Variants in MARCHF4 observed in about 807,000 individuals in gnomAD.
MARCHF4 encodes E3 ubiquitin-protein ligase MARCHF4.
In MARCHF4, 14 loss-of-function variants were observed where a neutral mutation model predicts 43.9. The observed-to-expected ratio is 0.32, with a 90% confidence interval of 0.21 to 0.50. The LOEUF (loss-of-function observed/expected upper bound fraction) is 0.50. MARCHF4 is among the 20% of genes least tolerant of loss of function. The pLI is 0.98. For synonymous variants in MARCHF4, 226 were observed against 213.3 expected, an observed-to-expected ratio of 1.06 and a Z score of -0.52; for missense variants, 468 against 536.7, an observed-to-expected ratio of 0.87 and a Z score of 1.27.
chr2:216,304,150 A>G (rs1691542519), intron 1 of MARCHF4, among the ~76,000 whole-genome samples: 1 of 152,214 alleles, frequency 6.6e-6, no homozygotes, highest in Admixed American at 6.5e-5. Context: ...TGCTCACCCC[A>G]AATCATGTAT....
In MARCHF4 at chr2:216,277,936, G is replaced by A. The variant is rs115844740; in HGVS notation, c.673-72C>T. The A allele has an allele frequency of 1.8e-4, 252 of 1,400,126 alleles. No individual in the cohort carries two copies. The African/African-American group carries it at 3.4e-3, about 19-fold the overall frequency. The allele number at this position is 1,400,126 out of a possible 1,614,324, so 86.7% of individuals were successfully genotyped here. A position where few individuals can be genotyped will look rare whatever the true frequency, so the allele number is the denominator to read the frequency against. On this transcript the variant is annotated intron_variant, in intron 2 of 3. Transcript: ENST00000273067. ...TCCCATTCCCACCCCTCTTCTGTCT[G>A]CTGCTCCAACAGCTCACCTCTGATT...
At chr2:216,350,796 C>T (rs11685872) in intron 1 of MARCHF4, among the ~76,000 whole-genome samples, 42,393 of 152,184 alleles carry the variant, frequency 0.28, 7,016 homozygotes, top group East Asian at 0.53. Flanking sequence ...TTTGCTCACA[C>T]ACTTATCTCT....
At chr2:216,342,057 T>C (rs1222275132) in intron 1 of MARCHF4, among the ~76,000 whole-genome samples, 1 of 152,192 alleles carries the variant, frequency 6.6e-6, no homozygotes, top group East Asian at 1.9e-4. Context: ...TGATTCTGGA[T>C]CTTCCCATTT....
At chr2:216,354,919 CT>C (rs1692465418) in intron 1 of MARCHF4, among the ~76,000 whole-genome samples, 4 of 114,776 alleles carry the variant, frequency 3.5e-5, no homozygotes, top group Admixed American at 9.3e-5. Context: ...TTCTTTCTTT[CT>C]TTCTTTCTTT....
intron 1 of MARCHF4, among the ~76,000 whole-genome samples, chr2:216,342,950 A>AG: frequency 6.7e-6 from 1 of 148,744 alleles, no homozygotes; most frequent in Non-Finnish European, 1.5e-5. Context: ...GGCTGTGGGG[A>AG]GGGTGGGGCA....
At chr2:216,281,519 G>A (rs1691127998) in intron 2 of MARCHF4, among the ~76,000 whole-genome samples, 1 of 152,184 alleles carries the variant, frequency 6.6e-6, no homozygotes, top group Admixed American at 6.5e-5. Context: ...ATCCTACACT[G>A]CAAATGATCC....
At chr2:216,348,032 CTTTTTTT>C (rs773695717) in intron 1 of MARCHF4, among the ~76,000 whole-genome samples, 5 of 99,678 alleles carry the variant, frequency 5.0e-5, no homozygotes, top group Non-Finnish European at 8.0e-5. Context: ...TTAAGGCATT[CTTTTTTT>C]TTTTTTTTTT....
chr2:216,325,124 A>G (rs1275207179), intron 1 of MARCHF4, among the ~76,000 whole-genome samples: 1 of 152,242 alleles, frequency 6.6e-6, no homozygotes, highest in Non-Finnish European at 1.5e-5. Context: ...AAGTCTCAGG[A>G]TACAAAATCA....
intron 1 of MARCHF4, among the ~76,000 whole-genome samples, chr2:216,353,050 G>C (rs898139177): frequency 6.6e-6 from 1 of 152,140 alleles, no homozygotes; most frequent in Non-Finnish European, 1.5e-5. Context: ...CCACCCACCA[G>C]CTTCTACAAG....
chr2:216,348,560 G>C (rs759553456), intron 1 of MARCHF4, among the ~76,000 whole-genome samples: 241 of 152,254 alleles, frequency 1.6e-3, no homozygotes, highest in Non-Finnish European at 2.1e-3. Flanking sequence ...CCCCTATGTG[G>C]TCTAAAAAGG....
intron 1 of MARCHF4, among the ~76,000 whole-genome samples, chr2:216,317,499 C>T (rs574985344): frequency 1.3e-5 from 2 of 152,146 alleles, no homozygotes; most frequent in Non-Finnish European, 2.9e-5. Flanking sequence ...CTGCAACCTT[C>T]CACCTCCTGG....
intron 1 of MARCHF4, among the ~76,000 whole-genome samples, chr2:216,291,923 A>G (rs2105945229): frequency 6.6e-6 from 1 of 152,270 alleles, no homozygotes; most frequent in East Asian, 1.9e-4. Context: ...AAATTTACCC[A>G]CATCCTCTCT....
At chr2:216,333,201 A>C (rs1264326647) in intron 1 of MARCHF4, among the ~76,000 whole-genome samples, 2 of 152,406 alleles carry the variant, frequency 1.3e-5, no homozygotes, top group African/African-American at 4.8e-5. Flanking sequence ...TAGAGAGTAA[A>C]GGGGCAAGCC....
At chr2:216,324,877 T>C (rs1691962801) in intron 1 of MARCHF4, among the ~76,000 whole-genome samples, 1 of 145,556 alleles carries the variant, frequency 6.9e-6, no homozygotes, top group South Asian at 2.2e-4. Context: ...GGGCAAAAAC[T>C]GGAAGCATTC....
chr2:216,367,538 C>T (rs1692685644), intron 1 of MARCHF4, among the ~76,000 whole-genome samples: 3 of 152,192 alleles, frequency 2.0e-5, no homozygotes, highest in Admixed American at 1.3e-4. Flanking sequence ...TAACACAATC[C>T]CATTAAAGCC....
intron 1 of MARCHF4, among the ~76,000 whole-genome samples, chr2:216,350,299 T>C (rs1173337973): frequency 2.8e-5 from 2 of 70,284 alleles, no homozygotes; most frequent in Non-Finnish European, 5.3e-5. Context: ...CTACACCCCC[T>C]CACTGTGCCA....
At position 216,285,676 on chromosome 2, in the gene MARCHF4, C is replaced by T. The variant is rs569368388; in HGVS notation, c.517-1947G>A. 1.7e-3 allele frequency among the ~76,000 whole-genome samples: 263 copies of T among 152,264 alleles called. 1 individual carries two copies. The highest frequency in any genetic ancestry group is 6.0e-3 in the African/African-American group (249 of 41,546). ...CCCACGTTGCTGGGTATTTGGCACA[C>T]CCATCACGGCCTAAGGGCCCTTGTA... On this transcript the variant is annotated intron_variant, in intron 1 of 3. Transcript: ENST00000273067.
intron 1 of MARCHF4, among the ~76,000 whole-genome samples, chr2:216,345,517 G>A (rs1692306128): frequency 1.3e-5 from 2 of 152,112 alleles, no homozygotes; most frequent in Non-Finnish European, 2.9e-5. Context: ...CCCTTCCTGG[G>A]ATTTGCAACC....
At chr2:216,301,758 C>T (rs1213944410) in intron 1 of MARCHF4, among the ~76,000 whole-genome samples, 4 of 152,156 alleles carry the variant, frequency 2.6e-5, no homozygotes, top group African/African-American at 4.8e-5. Context: ...TACAATGATG[C>T]ATGTGGTTTT....
Sources: gnomAD v4.1 joint callset for allele counts (sites outside exome capture counted in the v4.1 genomes callset) on GRCh38, gnomAD v4.1.1 for gene constraint, MANE v1.5 for transcripts, NCBI Gene and HGNC (gene_info 2026-07-23, HGNC 2026-07-21) for gene names.